Variants in COL4A4 observed in about 807,000 individuals in gnomAD.
COL4A4 encodes collagen type IV alpha 4 chain.
Under a neutral mutation model 192.9 loss-of-function variants are expected in COL4A4, and 105 were observed. That is an observed-to-expected ratio of 0.54 (90% CI 0.46 to 0.64). The LOEUF is 0.64. Among genes scored for constraint, COL4A4 ranks in the 30% least tolerant of loss-of-function variants. COL4A4 has a pLI of 0.00. For missense variants in COL4A4, 1,967 were observed against 2,169.3 expected (o/e 0.91, Z 1.85); for synonymous variants, 762 against 769.9 (o/e 0.99, Z 0.17).
chr2:227,163,085 A>G (rs1216578840), intron 1 of COL4A4, among the ~76,000 whole-genome samples: 1 of 152,256 alleles, frequency 6.6e-6, no homozygotes, highest in Non-Finnish European at 1.5e-5. Context: ...TATCAGCAAC[A>G]CTGTTCCAAA....
chr2:227,148,660 CAAT>C (rs2063710900), intron 1 of COL4A4, among the ~76,000 whole-genome samples: 1 of 151,844 alleles, frequency 6.6e-6, no homozygotes, highest in African/African-American at 2.4e-5. Context: ...TTAATTTTAT[CAAT>C]ATAAAATAGA....
At chr2:227,099,947 T>C (rs1465246022) in intron 17 of COL4A4, among the ~76,000 whole-genome samples, 1 of 152,228 alleles carries the variant, frequency 6.6e-6, no homozygotes, top group Non-Finnish European at 1.5e-5. Flanking sequence ...GTGAAATTAT[T>C]CTATGCCTAT....
intron 15 of COL4A4, 21 bp from the exon 16 acceptor site, chr2:227,101,930 A>G (rs1416719606): frequency 1.1e-5 from 17 of 1,580,152 alleles, no homozygotes; most frequent in Non-Finnish European, 1.5e-5. Context: ...CACAAAAATC[A>G]GGATAAACAG....
chr2:227,129,416 T>C (rs1006856057), intron 4 of COL4A4, among the ~76,000 whole-genome samples: 6 of 151,168 alleles, frequency 4.0e-5, no homozygotes, highest in African/African-American at 1.5e-4. Flanking sequence ...GTATACTTTT[T>C]TTTTTTTTTT....
chr2:227,045,943 G>A lies in COL4A4; in HGVS notation c.3289+1532C>T, dbSNP rs113357542. Among the ~76,000 whole-genome samples the A allele has an allele frequency of 1.0e-2, 388 of 38,844 alleles. 33 individuals carry two copies. The highest frequency in any genetic ancestry group is 0.034 in the African/African-American group (290 of 8,420). The allele number at this position is 38,844 out of a possible 152,430, so 25.5% of individuals were successfully genotyped here. A position where few individuals can be genotyped will look rare whatever the true frequency, so the allele number is the denominator to read the frequency against. On this transcript the variant is annotated intron_variant, in intron 35 of 47. Transcript: ENST00000396625. ...TATGTATATGTATATATGTATATAT[G>A]TATATATGTATATATGTATATATTT...
At chr2:227,078,114 T>C (rs2059131003) in intron 24 of COL4A4, 37 bp from the exon 25 acceptor site, 1 of 1,602,680 alleles carries the variant, frequency 6.2e-7, no homozygotes, top group African/African-American at 1.3e-5. Flanking sequence ...TACCAACCAC[T>C]GAATGTCCAT....
chr2:226,976,239 C>G, the COL4A4 span, among the ~76,000 whole-genome samples: 6 of 146,896 alleles, frequency 4.1e-5, no homozygotes, highest in Non-Finnish European at 7.5e-5. Context: ...TCACTTAAGT[C>G]CTCTGTCACC....
chr2:227,132,370 T>G lies in COL4A4; in HGVS notation c.192+7791A>C, dbSNP rs143176152. Among the ~76,000 whole-genome samples the G allele has an allele frequency of 2.2e-3, 332 of 152,320 alleles. 2 individuals are homozygous for G. The highest frequency in any genetic ancestry group is 2.0e-3 in the Non-Finnish European group (138 of 68,022). On this transcript the variant is annotated intron_variant, in intron 4 of 47. Coordinates refer to ENST00000396625, the MANE Select transcript of COL4A4 (RefSeq NM_000092.5). ...CTGCAGGGACTTTCTTCTTTACGAC[T>G]GAGGCCTCCATGGCCTGGTTGGATG...
At chr2:227,079,478 A>T (rs2059206774) in intron 24 of COL4A4, among the ~76,000 whole-genome samples, 3 of 152,188 alleles carry the variant, frequency 2.0e-5, no homozygotes, top group African/African-American at 7.2e-5. Context: ...AAAGGTCAGA[A>T]AGCTATAAAC....
chr2:226,975,948 G>T, the COL4A4 span, among the ~76,000 whole-genome samples: 664 of 152,168 alleles, frequency 4.4e-3, no homozygotes, highest in Middle Eastern at 0.01. Flanking sequence ...GTTGTGTTCT[G>T]TATCTAGATC....
the COL4A4 span, among the ~76,000 whole-genome samples, chr2:226,990,773 C>T: frequency 2.0e-5 from 3 of 152,238 alleles, no homozygotes; most frequent in South Asian, 6.2e-4. Flanking sequence ...CATCTTAACA[C>T]GGGAAGTATT....
chr2:227,027,258 A>T (rs1967054102), intron 42 of COL4A4, among the ~76,000 whole-genome samples: 1 of 151,880 alleles, frequency 6.6e-6, no homozygotes. Flanking sequence ...TCAAAAAAAA[A>T]AAAAATAGAA....
chr2:227,141,370 A>T (rs2063197970), intron 3 of COL4A4, among the ~76,000 whole-genome samples: 2 of 152,194 alleles, frequency 1.3e-5, no homozygotes, highest in South Asian at 4.1e-4. Context: ...AATAAAACTA[A>T]TATTTATAGT....
chr2:227,047,257 G>GA (rs1167207548), intron 35 of COL4A4, among the ~76,000 whole-genome samples: 2 of 151,992 alleles, frequency 1.3e-5, no homozygotes, highest in South Asian at 2.1e-4. Context: ...AGCCATGATG[G>GA]AAAAATGATT....
intron 25 of COL4A4, among the ~76,000 whole-genome samples, chr2:227,076,629 A>G (rs2059037750): frequency 6.6e-6 from 1 of 152,248 alleles, no homozygotes; most frequent in African/African-American, 2.4e-5. Context: ...AAGAAGCCAA[A>G]TTGACAAATG....
At chr2:227,131,306 C>G (rs1331744598) in intron 4 of COL4A4, among the ~76,000 whole-genome samples, 1 of 152,114 alleles carries the variant, frequency 6.6e-6, no homozygotes, top group Non-Finnish European at 1.5e-5. Context: ...AGGCACCCAC[C>G]ACCATGCCCA....
At chr2:227,111,838 G>C in intron 8 of COL4A4, 125 bp from the exon 9 acceptor site, 3 of 1,017,778 alleles carry the variant, frequency 2.9e-6, no homozygotes, top group Non-Finnish European at 4.5e-6. Flanking sequence ...AATTTTTTTG[G>C]TGTTGACTAA....
At chr2:227,127,276 C>T (rs1427872331) in intron 4 of COL4A4, among the ~76,000 whole-genome samples, 1 of 152,368 alleles carries the variant, frequency 6.6e-6, no homozygotes, top group African/African-American at 2.4e-5. Context: ...GCTGAGGAGA[C>T]TTTGGCATGC....
intron 25 of COL4A4, among the ~76,000 whole-genome samples, chr2:227,066,823 A>C (rs2058370661): frequency 6.6e-6 from 1 of 152,102 alleles, no homozygotes; most frequent in African/African-American, 2.4e-5. Context: ...GAGCAAAATA[A>C]CCAGCTAACA....
Sources: gnomAD v4.1 joint callset for allele counts (sites outside exome capture counted in the v4.1 genomes callset) on GRCh38, gnomAD v4.1.1 for gene constraint, MANE v1.5 for transcripts, NCBI Gene and HGNC (gene_info 2026-07-23, HGNC 2026-07-21) for gene names.